Variants in NALF1 observed in about 807,000 individuals in gnomAD.
NALF1 encodes the protein family with sequence similarity 155 member A.
In NALF1, 3 loss-of-function variants were observed where a neutral mutation model predicts 48.4. The observed-to-expected ratio is 0.06, with a 90% CI of 0.03 to 0.16. The LOEUF (loss-of-function observed/expected upper bound fraction) is 0.16, where lower values mean the gene tolerates loss of function less well. NALF1 is among the 10% of genes least tolerant of loss of function. The pLI, the probability that NALF1 is intolerant of heterozygous loss-of-function variation, is 1.00. For synonymous variants in NALF1, 262 were observed against 245.7 expected, an observed-to-expected ratio of 1.07 and a Z score of -0.62; for missense variants, 526 against 571.5, an observed-to-expected ratio of 0.92 and a Z score of 0.81.
At chr13:107,850,755 T>C (rs1030900824) in intron 1 of NALF1, among the ~76,000 whole-genome samples, 4 of 151,892 alleles carry the variant, frequency 2.6e-5, no homozygotes, top group Non-Finnish European at 5.9e-5. Flanking sequence ...GTACAAAAAT[T>C]AGCCGAACGT....
At chr13:107,751,082 C>A (rs1472426631) in intron 1 of NALF1, among the ~76,000 whole-genome samples, 4 of 152,192 alleles carry the variant, frequency 2.6e-5, no homozygotes, top group Non-Finnish European at 5.9e-5. Context: ...ATTAAAGCAA[C>A]AATTTCATTT....
intron 1 of NALF1, among the ~76,000 whole-genome samples, chr13:107,423,651 T>C (rs764185237): frequency 5.9e-5 from 9 of 152,214 alleles, no homozygotes; most frequent in Admixed American, 3.3e-4. Flanking sequence ...GATGTGTGAC[T>C]AAACCCTGCC....
At chr13:107,622,887 G>A (rs754958787) in intron 1 of NALF1, among the ~76,000 whole-genome samples, 1 of 152,278 alleles carries the variant, frequency 6.6e-6, no homozygotes, top group Non-Finnish European at 1.5e-5. Flanking sequence ...CTATCAAAGT[G>A]AGAAAAATAC....
intron 1 of NALF1, among the ~76,000 whole-genome samples, chr13:107,789,744 G>A (rs1878177494): frequency 6.6e-6 from 1 of 152,108 alleles, no homozygotes; most frequent in Admixed American, 6.5e-5. Context: ...ATCAGAACTG[G>A]CACCCAGGTC....
At chr13:107,265,605 T>C (rs1316505381) in intron 1 of NALF1, among the ~76,000 whole-genome samples, 2 of 152,048 alleles carry the variant, frequency 1.3e-5, no homozygotes, top group East Asian at 3.9e-4. Context: ...GGGGTTTCAC[T>C]ATGTTGGCCA....
chr13:107,734,433 A>G (rs931428727), intron 1 of NALF1, among the ~76,000 whole-genome samples: 4 of 149,746 alleles, frequency 2.7e-5, no homozygotes, highest in African/African-American at 7.5e-5. Flanking sequence ...CACACACACA[A>G]TGGAATTAAG....
chr13:107,511,237 T>G (rs1224169613), intron 1 of NALF1, among the ~76,000 whole-genome samples: 1 of 152,202 alleles, frequency 6.6e-6, no homozygotes, highest in African/African-American at 2.4e-5. Flanking sequence ...CAAATCCGAC[T>G]CTTCCGTTGT....
At chr13:107,646,458 G>T (rs1342253596) in intron 1 of NALF1, among the ~76,000 whole-genome samples, 1 of 151,998 alleles carries the variant, frequency 6.6e-6, no homozygotes, top group Non-Finnish European at 1.5e-5. Context: ...AAAATAAACT[G>T]CCTGAAGAGA....
intron 1 of NALF1, among the ~76,000 whole-genome samples, chr13:107,806,756 A>G (rs2138602279): frequency 6.6e-6 from 1 of 152,336 alleles, no homozygotes; most frequent in African/African-American, 2.4e-5. Context: ...CCAACCAACT[A>G]CAAGAAACGG....
At chr13:107,513,010 T>C (rs1265031873) in intron 1 of NALF1, among the ~76,000 whole-genome samples, 1 of 152,126 alleles carries the variant, frequency 6.6e-6, no homozygotes, top group South Asian at 2.1e-4. Flanking sequence ...CCTATTACAA[T>C]AGACATCAAA....
rs998357182 is a variant in NALF1 at position 107,234,348 on chromosome 13, A to T, written c.916-23593T>A. Among the ~76,000 whole-genome samples the T allele has an allele frequency of 2.6e-5, 4 of 152,224 alleles. No individual in the cohort carries two copies. The East Asian group carries it at 7.7e-4, about 29-fold the overall frequency. ...GTGACTTTGCCTGCTTTCCCCAGGCACAAGACAACAACCTGCACAGCAGAT... is the reference window on the plus strand; with the variant it reads ...GTGACTTTGCCTGCTTTCCCCAGGCTCAAGACAACAACCTGCACAGCAGAT... On this transcript the variant is annotated intron_variant, in intron 1 of 2. Transcript: ENST00000375915.
rs145808066 is a variant in NALF1 at position 107,832,868 on chromosome 13, T to C, written c.915+32814A>G. On this transcript the variant is annotated intron_variant, in intron 1 of 2. Coordinates refer to ENST00000375915, the MANE Select transcript of NALF1 (RefSeq NM_001080396.3). ...CTGATCTTTCAAAAACAACAAATCA[T>C]AGGCTGCATCTTCTTAAGAGCGCTC... Among the ~76,000 whole-genome samples, 33 of 152,156 alleles carry C rather than the reference T, an allele frequency of 2.2e-4. 1 individual carries two copies. Among genetic ancestry groups the C allele is most frequent in the African/African-American group, 7.5e-4 (31 of 41,428 alleles).
At chr13:107,840,478 C>A (rs1459742423) in intron 1 of NALF1, among the ~76,000 whole-genome samples, 1 of 152,144 alleles carries the variant, frequency 6.6e-6, no homozygotes, top group East Asian at 1.9e-4. Flanking sequence ...TGCTGGAGCT[C>A]CTGAACATTA....
intron 1 of NALF1, among the ~76,000 whole-genome samples, chr13:107,435,419 G>A (rs559639169): frequency 6.6e-6 from 1 of 152,046 alleles, no homozygotes; most frequent in African/African-American, 2.4e-5. Flanking sequence ...ATTAATACAC[G>A]CAGACAGCTG....
intron 1 of NALF1, among the ~76,000 whole-genome samples, chr13:107,262,954 T>C (rs1880963075): frequency 6.6e-6 from 1 of 152,126 alleles, no homozygotes; most frequent in African/African-American, 2.4e-5. Context: ...CACAGACTCG[T>C]TGCGTGTATA....
Position 107,443,166 on chromosome 13 carries a change from A to ATCT in NALF1, c.916-232412_916-232411insAGA, listed in dbSNP as rs752237318. On this transcript the variant is annotated intron_variant, in intron 1 of 2. Coordinates refer to ENST00000375915, the MANE Select transcript of NALF1 (RefSeq NM_001080396.3). ...ACATAAATTTATTATTTATTTATCT[A>ATCT]ACAATCTATCTATCTATCTATCTAT... Among the ~76,000 whole-genome samples, 814 of 124,362 alleles carry ATCT rather than the reference A, an allele frequency of 6.5e-3. 4 individuals carry two copies. The highest frequency in any genetic ancestry group is 0.012 in the Middle Eastern group (3 of 244). 81.6% of individuals were successfully genotyped at this position (124,362 alleles called of 152,430 possible).
chr13:107,589,022 CA>C (rs1878532247), intron 1 of NALF1, among the ~76,000 whole-genome samples: 1 of 152,016 alleles, frequency 6.6e-6, no homozygotes, highest in Non-Finnish European at 1.5e-5. Context: ...ATATTCAGGA[CA>C]GGGGAGAGCA....
intron 1 of NALF1, among the ~76,000 whole-genome samples, chr13:107,574,395 C>A (rs1313530390): frequency 1.3e-5 from 2 of 152,126 alleles, no homozygotes; most frequent in Admixed American, 6.5e-5. Context: ...TTTCTTCTCT[C>A]CAAACCCCAA....
intron 1 of NALF1, among the ~76,000 whole-genome samples, chr13:107,535,367 T>C (rs1198322826): frequency 6.6e-6 from 1 of 152,112 alleles, no homozygotes; most frequent in African/African-American, 2.4e-5. Context: ...CAATACCTAA[T>C]TTCTTGAGAG....
Sources: gnomAD v4.1 joint callset for allele counts (sites outside exome capture counted in the v4.1 genomes callset) on GRCh38, gnomAD v4.1.1 for gene constraint, MANE v1.5 for transcripts, NCBI Gene and HGNC (gene_info 2026-07-23, HGNC 2026-07-21) for gene names.